The following GARNL3 variants were observed in gnomAD, a reference collection of about 807,000 sequenced individuals.
GARNL3 encodes GTPase-activating Rap/Ran-GAP domain-like protein 3.
In GARNL3, 63 loss-of-function variants were observed where a neutral mutation model predicts 125.0. That is an observed-to-expected ratio of 0.50 (90% CI 0.41 to 0.62). The LOEUF (loss-of-function observed/expected upper bound fraction) is 0.62. Among genes scored for constraint, GARNL3 ranks in the 20% least tolerant of loss-of-function variants. GARNL3 has a pLI of 0.00. For missense variants in GARNL3, 994 were observed against 1,244.0 expected (o/e 0.80, Z 3.02); for synonymous variants, 439 against 457.5 (o/e 0.96, Z 0.52).
At chr9:127,232,122 C>T (rs904445579) in intron 1 of GARNL3, among the ~76,000 whole-genome samples, 28 of 152,162 alleles carry the variant, frequency 1.8e-4, no homozygotes, top group African/African-American at 6.5e-4. Flanking sequence ...AGAGTGAAGT[C>T]AAAGCTTGCC....
intron 16 of GARNL3, among the ~76,000 whole-genome samples, chr9:127,345,708 C>T (rs553859874): frequency 7.9e-5 from 12 of 152,324 alleles, no homozygotes; most frequent in East Asian, 3.9e-4. Flanking sequence ...GCTGGAGGAC[C>T]GACCTGGTCA....
At chr9:127,273,675 G>A (rs1474420136) in intron 1 of GARNL3, among the ~76,000 whole-genome samples, 2 of 152,156 alleles carry the variant, frequency 1.3e-5, no homozygotes, top group African/African-American at 2.4e-5. Context: ...ATAGATCTTG[G>A]TGGTGTGTTG....
At chr9:127,347,421 CAAAAT>C (rs985212956) in intron 16 of GARNL3, among the ~76,000 whole-genome samples, 1 of 151,906 alleles carries the variant, frequency 6.6e-6, no homozygotes, top group Admixed American at 6.6e-5. Flanking sequence ...GACCTCGTCT[CAAAAT>C]AAAATTTAAA....
chr9:127,253,406 C>A (rs2063440679), intron 2 of GARNL3, among the ~76,000 whole-genome samples: 1 of 152,254 alleles, frequency 6.6e-6, no homozygotes, highest in African/African-American at 2.4e-5. Flanking sequence ...TTCATTCACA[C>A]TTTCATTTAA....
At chr9:127,317,757 A>G (rs1208366443) in intron 4 of GARNL3, among the ~76,000 whole-genome samples, 1 of 152,072 alleles carries the variant, frequency 6.6e-6, no homozygotes. Context: ...ACAACAACGA[A>G]AAAACAAATT....
intron 2 of GARNL3, among the ~76,000 whole-genome samples, chr9:127,247,780 C>T (rs1014554183): frequency 3.9e-5 from 6 of 152,106 alleles, no homozygotes; most frequent in Non-Finnish European, 1.5e-5. Flanking sequence ...TTACAAATAA[C>T]GCAATTATAC....
At chr9:127,244,332 C>G (rs1344405990) in intron 2 of GARNL3, among the ~76,000 whole-genome samples, 1 of 152,208 alleles carries the variant, frequency 6.6e-6, no homozygotes, top group Non-Finnish European at 1.5e-5. Flanking sequence ...GAGCATTGAT[C>G]AGGCAAGAGA....
At position 127,291,231 on chromosome 9, in the gene GARNL3, T is replaced by A. The variant is rs374630292; in HGVS notation, c.208T>A (p.Ser70Thr). 2.5e-6 allele frequency: 4 copies of A among 1,613,994 alleles called. No homozygotes were observed. Among genetic ancestry groups the A allele is most frequent in the Non-Finnish European group, 3.4e-6 (4 of 1,179,884 alleles). The change falls in exon 2 of 28, where the codon TCT (serine) becomes ACT (threonine). Residue 70 changes from serine (S) to threonine (T), a missense_variant. Physicochemically the swap from Ser to Thr is moderately conservative, Grantham distance 58 (BLOSUM62 1). Coordinates refer to ENST00000373387, the MANE Select transcript of GARNL3 (RefSeq NM_032293.5). ...RAGRFRVENG[S>T]SDENATALPG... ...TGGAAGATTCAGAGTGGAAAATGGC[T>A]CTTCAGATGAGGTAAGGAAGCCTCC...
At chr9:127,344,881 C>T (rs1011782999) in intron 15 of GARNL3, among the ~76,000 whole-genome samples, 53 of 152,124 alleles carry the variant, frequency 3.5e-4, no homozygotes, top group African/African-American at 1.2e-3. Context: ...TTCTCAGTTC[C>T]GGGAGGCGAC....
intron 22 of GARNL3, among the ~76,000 whole-genome samples, chr9:127,365,852 A>G (rs1831260294): frequency 6.6e-6 from 1 of 152,122 alleles, no homozygotes; most frequent in African/African-American, 2.4e-5. Context: ...AATTTTAACC[A>G]CTGTCGCTAT....
intron 22 of GARNL3, among the ~76,000 whole-genome samples, chr9:127,383,136 A>G (rs1832357622): frequency 6.6e-6 from 1 of 152,256 alleles, no homozygotes; most frequent in Non-Finnish European, 1.5e-5. Context: ...AAGTGAGTGT[A>G]ATAATGGTAT....
chr9:127,303,666 T>C (rs1420360550), intron 2 of GARNL3, among the ~76,000 whole-genome samples: 2 of 152,228 alleles, frequency 1.3e-5, no homozygotes, highest in Non-Finnish European at 2.9e-5. Flanking sequence ...GAATAGACTC[T>C]ATGAAAAATC....
intron 1 of GARNL3, among the ~76,000 whole-genome samples, chr9:127,276,905 G>A (rs2063971548): frequency 6.6e-6 from 1 of 152,228 alleles, no homozygotes; most frequent in Non-Finnish European, 1.5e-5. Context: ...TGAGGTGGGA[G>A]TACTGTTATC....
intron 17 of GARNL3, among the ~76,000 whole-genome samples, chr9:127,350,964 G>A (rs1356668381): frequency 6.6e-6 from 1 of 152,072 alleles, no homozygotes; most frequent in Admixed American, 6.6e-5. Flanking sequence ...GCACGTCTGG[G>A]ACTAGTACCC....
intron 11 of GARNL3, among the ~76,000 whole-genome samples, chr9:127,337,440 C>T (rs1215415226): frequency 6.6e-6 from 1 of 152,100 alleles, no homozygotes; most frequent in Non-Finnish European, 1.5e-5. Flanking sequence ...TCCAGGGAGC[C>T]TAGAAATGGA....
chr9:127,282,861 G>C (rs917743628), intron 1 of GARNL3, among the ~76,000 whole-genome samples: 14 of 152,014 alleles, frequency 9.2e-5, no homozygotes, highest in African/African-American at 3.4e-4. Flanking sequence ...TTACATATTT[G>C]TATTAATCTA....
At chr9:127,273,221 G>C (rs1035828617) in intron 1 of GARNL3, among the ~76,000 whole-genome samples, 2 of 152,064 alleles carry the variant, frequency 1.3e-5, no homozygotes, top group Non-Finnish European at 2.9e-5. Flanking sequence ...GAAGAAGCAG[G>C]AGTGACATTT....
At chr9:127,225,527 G>T in intron 1 of GARNL3, 1 of 304,206 alleles carries the variant, frequency 3.3e-6, no homozygotes, top group Non-Finnish European at 4.8e-6. Flanking sequence ...TCAGGAGACC[G>T]GGCGCGGAGC....
At chr9:127,335,542 G>A (rs762210351) in intron 10 of GARNL3, among the ~76,000 whole-genome samples, 5 of 152,168 alleles carry the variant, frequency 3.3e-5, no homozygotes, top group Admixed American at 1.3e-4. Flanking sequence ...GAGAAATAAG[G>A]GGTCAGAGAT....
Sources: gnomAD v4.1 joint callset for allele counts (sites outside exome capture counted in the v4.1 genomes callset) on GRCh38, gnomAD v4.1.1 for gene constraint, MANE v1.5 for transcripts, NCBI Gene and HGNC (gene_info 2026-07-23, HGNC 2026-07-21) for gene names.